EIF6: variants seen among roughly 807,000 people sequenced by gnomAD.
EIF6 encodes the protein B4 integrin interactor.
A neutral mutation model predicts 25.5 loss-of-function variants in EIF6; 10 were observed. The observed-to-expected ratio is 0.39, with a 90% CI of 0.24 to 0.66. EIF6 has a LOEUF of 0.66. Among genes scored for constraint, EIF6 ranks in the 30% least tolerant of loss-of-function variants. EIF6 has a pLI of 0.45. For missense variants in EIF6, 246 were observed against 315.4 expected (o/e 0.78, Z 1.67); for synonymous variants, 122 against 122.6 (o/e 1.00, Z 0.03).
chr20:35,284,593 T>TCCCGGCCC, intron 1 of EIF6, 101 bp from the exon 2 acceptor site: 1 of 1,345,496 alleles, frequency 7.4e-7, no homozygotes, highest in Non-Finnish European at 1.0e-6. Context: ...CCTCTCGGCC[T>TCCCGGCCC]CCCGGCCCCT....
At position 35,284,751 on chromosome 20, in the gene EIF6, C is replaced by G. The variant is rs1055723003; in HGVS notation, c.-31G>C. 4 of 518,690 alleles carry G rather than the reference C, an allele frequency of 7.7e-6. No homozygotes were observed. The Admixed American group carries it at 1.0e-4, about 13-fold the overall frequency. 32.1% of individuals were successfully genotyped at this position (518,690 alleles called of 1,614,324 possible). On this transcript the variant is annotated 5_prime_UTR_variant, in exon 1 of 7. Coordinates refer to ENST00000374450, the MANE Select transcript of EIF6 (RefSeq NM_002212.4). Reference sequence around the variant, plus strand: ...CAAGTAACCAGTAACAAGCTCCGCACGCGGCGACTGTACCTTGGACTCCCT... The same window carrying G: ...CAAGTAACCAGTAACAAGCTCCGCAGGCGGCGACTGTACCTTGGACTCCCT...
chr20:35,282,029 C>T (rs1477663857), intron 3 of EIF6, among the ~76,000 whole-genome samples: 6 of 144,514 alleles, frequency 4.2e-5, no homozygotes, highest in Non-Finnish European at 7.5e-5. Flanking sequence ...TGTTCTGTTG[C>T]CCAGGCTGGA....
rs2060753182 is a variant in EIF6 at position 35,279,600 on chromosome 20, T to C, written c.694A>G (p.Ile232Val). The C allele has an allele frequency of 1.2e-6, 2 of 1,614,110 alleles. No homozygotes were observed. Among genetic ancestry groups the C allele is most frequent in the East Asian group, 2.2e-5 (1 of 44,882 alleles). Reference sequence around the variant, plus strand: ...AGGGAATCCCGCATGCTGGTGGCAATGGTGCTAGGCTGGGCTTCATTCAGC... The same window carrying C: ...AGGGAATCCCGCATGCTGGTGGCAACGGTGCTAGGCTGGGCTTCATTCAGC... Reference protein sequence around the residue: ...FKLNEAQPSTIATSMRDSLID... With the variant: ...FKLNEAQPSTVATSMRDSLID... The change falls in exon 6 of 7, where the codon ATT (isoleucine) becomes GTT (valine). Residue 232 changes from isoleucine (I) to valine (V), a missense_variant. By Grantham distance (29) the Ile-to-Val change is conservative. Transcript: ENST00000374450.
At chr20:35,280,351 A>G (rs1234722240) in intron 4 of EIF6, among the ~76,000 whole-genome samples, 1 of 152,178 alleles carries the variant, frequency 6.6e-6, no homozygotes, top group African/African-American at 2.4e-5. Context: ...GCTGGTCTCA[A>G]TATCACTTCT....
In EIF6 at chr20:35,279,083, C is replaced by T; in HGVS notation, c.*114G>A. The T allele has an allele frequency of 7.2e-7, 1 of 1,392,592 alleles. No individual in the cohort carries two copies. Among genetic ancestry groups the T allele is most frequent in the Non-Finnish European group, 1.0e-6 (1 of 987,634 alleles). The allele number at this position is 1,392,592 out of a possible 1,614,324, so 86.3% of individuals were successfully genotyped here. On this transcript the variant is annotated 3_prime_UTR_variant, in exon 7 of 7. Coordinates refer to ENST00000374450, the MANE Select transcript of EIF6 (RefSeq NM_002212.4). ...AGGGTTGGGTGCCCAGCCCCTCAGT[C>T]CCAGTGAGCTCTCTGCCACCTCCCT...
chr20:35,281,356 A>G (rs1383856513), intron 3 of EIF6, among the ~76,000 whole-genome samples: 2 of 151,256 alleles, frequency 1.3e-5, no homozygotes, highest in Non-Finnish European at 3.0e-5. Context: ...ACTGCACTCC[A>G]ACCTGGGTGA....
chr20:35,279,695 T>C lies in EIF6; in HGVS notation c.599A>G (p.Asn200Ser). The C allele has an allele frequency of 1.2e-6, 2 of 1,614,134 alleles. No homozygotes were observed. Among genetic ancestry groups the C allele is most frequent in the Non-Finnish European group, 1.7e-6 (2 of 1,180,028 alleles). ...SEVIAAGMVVNDWCAFCGLDT... is the reference protein window; with the variant it reads ...SEVIAAGMVVSDWCAFCGLDT... ...CAGGCCACAGAAGGCACACCAGTCA[T>C]TCACCACCATCCCAGCAGCAATCAC... is the stretch of plus-strand genomic sequence containing the variant. Residue 200 changes from asparagine to serine, a missense_variant, in exon 6 of 7, where the codon AAT becomes AGT. By Grantham distance (46) the Asn-to-Ser change is conservative. Coordinates refer to ENST00000374450, the MANE Select transcript of EIF6 (RefSeq NM_002212.4).
chr20:35,284,482 C>A lies in EIF6; in HGVS notation c.6G>T (p.Ala2=). 1 of 1,606,036 alleles carries A rather than the reference C, an allele frequency of 6.2e-7. No homozygotes were observed. The highest frequency in any genetic ancestry group is 8.5e-7 in the Non-Finnish European group (1 of 1,173,766). Residue 2 remains alanine, a synonymous_variant, in exon 2 of 7, where the codon GCG becomes GCT. Coordinates refer to ENST00000374450, the MANE Select transcript of EIF6 (RefSeq NM_002212.4). M[A]VRASFENNCE... ...AGTTGTTCTCGAACGAAGCTCGGAC[C>A]GCCATGAGGCCTAGGGGCGGCGGAG...
rs2060760098 is a variant in EIF6 at position 35,280,033 on chromosome 20, C to T, written c.455G>A (p.Cys152Tyr). 1 of 1,614,246 alleles carries T rather than the reference C, an allele frequency of 6.2e-7. No homozygotes were observed. Among genetic ancestry groups the T allele is most frequent in the Non-Finnish European group, 8.5e-7 (1 of 1,180,038 alleles). Residue 152 changes from cysteine to tyrosine, a missense_variant, in exon 5 of 7, where the codon TGT (cysteine) becomes TAT (tyrosine). Cys to Tyr is a radical substitution (Grantham distance 194). Transcript: ENST00000374450. ...CAGCCCTCCCTGATTGCTGAAGACA[C>T]AGTAGCTTCCTACTAGCACCTGGTC... Reference protein sequence around the residue: ...VADQVLVGSYCVFSNQGGLVH... With the variant: ...VADQVLVGSYYVFSNQGGLVH...
intron 6 of EIF6, 48 bp downstream of exon 6, chr20:35,279,518 C>G (rs779229887): frequency 1.3e-6 from 2 of 1,598,700 alleles, no homozygotes; most frequent in South Asian, 2.2e-5. Flanking sequence ...TCTCAAAATG[C>G]AAGTTAACCC....
intron 6 of EIF6, 76 bp downstream of exon 6, chr20:35,279,490 G>T: frequency 6.4e-7 from 1 of 1,567,748 alleles, no homozygotes; most frequent in Non-Finnish European, 8.7e-7. Flanking sequence ...CATTCTAGAT[G>T]ACATCTTTTC....
In EIF6 at chr20:35,280,714, G is replaced by A; in HGVS notation, c.309C>T (p.Ala103=). 6.2e-7 allele frequency: 1 copy of A among 1,613,928 alleles called. No homozygotes were observed. The highest frequency in any genetic ancestry group is 8.5e-7 in the Non-Finnish European group (1 of 1,179,918). ...QIRRVEERLS[A]LGNVTTCNDY... The stretch of plus-strand genomic sequence containing the variant: ...CATTGCAGGTGGTGACATTGCCCAA[G>A]GCTGAGAGCCGCTCCTCCACCCGCC... Residue 103 remains alanine (A), a synonymous_variant, in exon 4 of 7, where the codon GCC becomes GCT. Transcript: ENST00000374450.
chr20:35,283,907 G>GC (rs2060799189), intron 3 of EIF6, among the ~76,000 whole-genome samples: 1 of 152,236 alleles, frequency 6.6e-6, no homozygotes, highest in Non-Finnish European at 1.5e-5. Flanking sequence ...GTCAAGTTAG[G>GC]CCAGTAACTC....
chr20:35,284,210 G>A lies in EIF6; in HGVS notation c.159C>T (p.Ile53=), dbSNP rs1358202591. 1 of 1,601,056 alleles carries A rather than the reference G, an allele frequency of 6.2e-7. No individual in the cohort carries two copies. Among genetic ancestry groups the A allele is most frequent in the East Asian group, 2.2e-5 (1 of 44,612 alleles). ...TGCGCCCGATGATGCGGCAGCCGGC[G>A]ATAGACGCGTGCACCACGGGGATGG... is the stretch of plus-strand genomic sequence containing the variant. ...SDTIPVVHAS[I]AGCRIIGRMC... The change falls in exon 3 of 7, where the codon ATC becomes ATT. Residue 53 remains isoleucine, a synonymous_variant. Transcript: ENST00000374450.
intron 3 of EIF6, 129 bp downstream of exon 3, chr20:35,284,047 G>C (rs2060800564): frequency 8.2e-7 from 1 of 1,218,796 alleles, no homozygotes; most frequent in South Asian, 1.5e-5. Context: ...TGGCCTGAGA[G>C]ATTCTATAGT....
intron 6 of EIF6, 65 bp from the exon 7 acceptor site, chr20:35,279,271 GGT>G (rs1437070542): frequency 6.3e-7 from 1 of 1,593,170 alleles, no homozygotes; most frequent in African/African-American, 1.3e-5. Context: ...TCTCAAGTGA[GGT>G]GCCTGCCTCA....
rs2060762446 is a variant in EIF6, at chr20:35,280,196, C to G, written c.370-78G>C. On this transcript the variant is annotated intron_variant, in intron 4 of 6. Coordinates refer to ENST00000374450, the MANE Select transcript of EIF6 (RefSeq NM_002212.4). Reference sequence around the variant, plus strand: ...AAGGTTCTCCATGCCCAGAAGCATCCAGGCCTTGGCTCCCTGAGCCCCTCA... The same window carrying G: ...AAGGTTCTCCATGCCCAGAAGCATCGAGGCCTTGGCTCCCTGAGCCCCTCA... 6 of 1,503,178 alleles carry G rather than the reference C, an allele frequency of 4.0e-6. No individual in the cohort carries two copies. The Admixed American group carries it at 1.1e-4, about 29-fold the overall frequency. The allele number at this position is 1,503,178 out of a possible 1,614,324, so 93.1% of individuals were successfully genotyped here. A position where few individuals can be genotyped will look rare whatever the true frequency, so the allele number is the denominator to read the frequency against.
intron 3 of EIF6, 26 bp downstream of exon 3, chr20:35,284,150 C>T: frequency 1.9e-6 from 3 of 1,561,562 alleles, no homozygotes; most frequent in South Asian, 1.2e-5. Context: ...ACCACTCCCT[C>T]CCTCGGCGTC....
Position 35,284,760 on chromosome 20 carries a change from T to G in EIF6, c.-40A>C, listed in dbSNP as rs903288848. ...AGTAACAAGCTCCGCACGCGGCGAC[T>G]GTACCTTGGACTCCCTAAAAAGGTT... is the stretch of plus-strand genomic sequence containing the variant. On this transcript the variant is annotated 5_prime_UTR_variant, in exon 1 of 7. Transcript: ENST00000374450. 1.9e-6 allele frequency: 1 copy of G among 512,898 alleles called. No individual in the cohort carries two copies. The highest frequency in any genetic ancestry group is 1.9e-5 in the African/African-American group (1 of 52,274). 31.8% of individuals were successfully genotyped at this position (512,898 alleles called of 1,614,324 possible).
Sources: allele counts gnomAD v4.1 joint callset (sites outside exome capture counted in the v4.1 genomes callset), GRCh38; gene constraint gnomAD v4.1.1; transcripts MANE v1.5; gene names NCBI Gene and HGNC (gene_info 2026-07-23, HGNC 2026-07-21).